ANO3: variants seen among roughly 807,000 people sequenced by gnomAD.
ANO3 encodes the protein anoctamin 3.
A neutral mutation model predicts 144.8 loss-of-function variants in ANO3; 99 were observed. The ratio of observed to expected loss-of-function variants is 0.68; its 90% confidence interval spans 0.58 to 0.81. ANO3 has a LOEUF of 0.81. Among genes scored for constraint, ANO3 ranks in the 30% least tolerant of loss-of-function variants. The pLI is 0.00. For missense variants in ANO3, 905 were observed against 1,202.2 expected, an observed-to-expected ratio of 0.75 and a Z score of 3.66; for synonymous variants, 414 against 392.6, an observed-to-expected ratio of 1.05 and a Z score of -0.64.
chr11:26,633,129 C>A (rs1852838971), intron 18 of ANO3, among the ~76,000 whole-genome samples: 2 of 152,254 alleles, frequency 1.3e-5, no homozygotes, highest in South Asian at 4.1e-4. Context: ...TAAATGAGAT[C>A]CTATCTATTT....
chr11:26,364,776 C>G (rs984758732), intron 1 of ANO3, among the ~76,000 whole-genome samples: 2 of 152,216 alleles, frequency 1.3e-5, no homozygotes, highest in African/African-American at 4.8e-5. Flanking sequence ...CAGGTCCCAC[C>G]TCTAGTACTT....
chr11:26,274,479 GA>G (rs1221229519), intron 1 of ANO3, among the ~76,000 whole-genome samples: 1 of 151,602 alleles, frequency 6.6e-6, no homozygotes, highest in Non-Finnish European at 1.5e-5. Context: ...TAATGTGAAT[GA>G]AAAAAAACCT....
At chr11:26,298,571 A>C (rs1854145811) in intron 1 of ANO3, among the ~76,000 whole-genome samples, 1 of 152,180 alleles carries the variant, frequency 6.6e-6, no homozygotes, top group African/African-American at 2.4e-5. Flanking sequence ...ACTCTGAGTA[A>C]AGTGGGGCTT....
intron 1 of ANO3, among the ~76,000 whole-genome samples, chr11:26,438,024 A>C (rs1175913376): frequency 6.7e-6 from 1 of 148,578 alleles, no homozygotes; most frequent in Non-Finnish European, 1.5e-5. Flanking sequence ...GAAAAAATTC[A>C]ACACACTACT....
chr11:26,610,276 T>C (rs1852058343), intron 17 of ANO3, among the ~76,000 whole-genome samples: 1 of 151,842 alleles, frequency 6.6e-6, no homozygotes, highest in African/African-American at 2.4e-5. Context: ...TGGTTTTGGT[T>C]TTCATTTCTC....
chr11:26,229,907 C>A (rs755114675), intron 1 of ANO3, among the ~76,000 whole-genome samples: 2 of 152,150 alleles, frequency 1.3e-5, no homozygotes, highest in Admixed American at 1.3e-4. Flanking sequence ...ATTCCCTGTT[C>A]TTTTTCACCC....
intron 3 of ANO3, chr11:26,460,127 C>A (rs1016744674): frequency 1.5e-5 from 7 of 453,652 alleles, no homozygotes; most frequent in African/African-American, 1.4e-4. Flanking sequence ...CTTTGCATAT[C>A]ATTCATCAGG....
chr11:26,263,277 G>T (rs1853234971), intron 1 of ANO3, among the ~76,000 whole-genome samples: 1 of 152,146 alleles, frequency 6.6e-6, no homozygotes, highest in Non-Finnish European at 1.5e-5. Flanking sequence ...CTTGCCTTCA[G>T]GACTCTGCAG....
chr11:26,549,463 A>G (rs898740112), intron 12 of ANO3, among the ~76,000 whole-genome samples: 1 of 151,874 alleles, frequency 6.6e-6, no homozygotes, highest in African/African-American at 2.4e-5. Flanking sequence ...TTTTGTGTGG[A>G]CTTACGTTAG....
intron 24 of ANO3, among the ~76,000 whole-genome samples, chr11:26,649,736 CA>C (rs201783585): frequency 1.1e-4 from 16 of 143,682 alleles, no homozygotes; most frequent in African/African-American, 1.7e-4. Flanking sequence ...AATTTCGTCT[CA>C]AAAAAAAAAT....
At chr11:26,261,698 C>T (rs1853194024) in intron 1 of ANO3, among the ~76,000 whole-genome samples, 1 of 152,158 alleles carries the variant, frequency 6.6e-6, no homozygotes, top group South Asian at 2.1e-4. Flanking sequence ...GGGCCTTAAC[C>T]TTTACTTTGT....
chr11:26,238,746 G>C (rs982663916), intron 1 of ANO3, among the ~76,000 whole-genome samples: 3 of 151,980 alleles, frequency 2.0e-5, no homozygotes, highest in African/African-American at 7.2e-5. Context: ...ATAAAATATA[G>C]AGCAGAAGAA....
At chr11:26,259,164 T>G (rs1853125195) in intron 1 of ANO3, among the ~76,000 whole-genome samples, 1 of 152,188 alleles carries the variant, frequency 6.6e-6, no homozygotes, top group South Asian at 2.1e-4. Context: ...TTTATATGGC[T>G]CTTGAGGGAT....
intron 4 of ANO3, among the ~76,000 whole-genome samples, chr11:26,464,805 A>T (rs777943876): frequency 1.3e-4 from 19 of 151,852 alleles, no homozygotes; most frequent in Non-Finnish European, 2.5e-4. Context: ...ACTGTAGAAC[A>T]TCATGACACA....
chr11:26,225,887 T>C (rs948434173), intron 1 of ANO3, among the ~76,000 whole-genome samples: 1 of 152,172 alleles, frequency 6.6e-6, no homozygotes, highest in Non-Finnish European at 1.5e-5. Flanking sequence ...ACACAACAGA[T>C]GGTAGAAATA....
intron 1 of ANO3, among the ~76,000 whole-genome samples, chr11:26,407,363 T>C (rs1590334453): frequency 6.6e-6 from 1 of 151,702 alleles, no homozygotes; most frequent in East Asian, 1.9e-4. Context: ...CTATCCCCAC[T>C]TGGAACAAAT....
intron 23 of ANO3, among the ~76,000 whole-genome samples, chr11:26,646,894 TCTC>T (rs1406161894): frequency 9.2e-5 from 14 of 152,272 alleles, no homozygotes; most frequent in African/African-American, 2.9e-4. Context: ...TGTCTTATGA[TCTC>T]CTCATCAAGT....
chr11:26,339,600 T>C (rs1218781381), intron 1 of ANO3, among the ~76,000 whole-genome samples: 7 of 152,226 alleles, frequency 4.6e-5, no homozygotes. Flanking sequence ...GTTTCCTTGC[T>C]CTACACCTTT....
intron 22 of ANO3, among the ~76,000 whole-genome samples, chr11:26,642,347 T>C (rs1469662748): frequency 1.9e-4 from 11 of 56,748 alleles, no homozygotes; most frequent in Admixed American, 2.9e-4. Flanking sequence ...TCTTTCTTTT[T>C]TTTTTTTTTT....
Sources: gnomAD v4.1 joint callset for allele counts (sites outside exome capture counted in the v4.1 genomes callset) on GRCh38, gnomAD v4.1.1 for gene constraint, MANE v1.5 for transcripts, NCBI Gene and HGNC (gene_info 2026-07-23, HGNC 2026-07-21) for gene names.